The following GRM1 variants were observed in gnomAD, a reference collection of about 807,000 sequenced individuals.
The protein encoded by GRM1 is glutamate metabotropic receptor 1, also known as metabotropic glutamate receptor 1.
A neutral mutation model predicts 90.9 loss-of-function variants in GRM1; 33 were observed. The observed-to-expected ratio is 0.36, with a 90% CI of 0.28 to 0.49. The LOEUF (loss-of-function observed/expected upper bound fraction) is 0.49. Among genes scored for constraint, GRM1 ranks in the 20% least tolerant of loss-of-function variants. GRM1 has a pLI of 0.99. For missense variants in GRM1, 1,190 were observed against 1,534.3 expected, an observed-to-expected ratio of 0.78 and a Z score of 3.75; for synonymous variants, 700 against 613.2, an observed-to-expected ratio of 1.14 and a Z score of -2.09.
chr6:146,266,241 T>C (rs1321197237), intron 2 of GRM1, among the ~76,000 whole-genome samples: 1 of 152,134 alleles, frequency 6.6e-6, no homozygotes, highest in African/African-American at 2.4e-5. Flanking sequence ...TATATGTTAG[T>C]AAACATAAAA....
At chr6:146,242,819 A>C (rs1780915415) in intron 2 of GRM1, among the ~76,000 whole-genome samples, 1 of 152,150 alleles carries the variant, frequency 6.6e-6, no homozygotes. Flanking sequence ...AAAGAATTTT[A>C]CAGCACACCA....
At chr6:146,408,848 T>G (rs1777453773) in intron 7 of GRM1, among the ~76,000 whole-genome samples, 1 of 152,090 alleles carries the variant, frequency 6.6e-6, no homozygotes, top group South Asian at 2.1e-4. Flanking sequence ...TAGTGTCCAG[T>G]GTAAAGTGTT....
Position 146,229,664 on chromosome 6 carries a change from G to A in GRM1, c.950+70067G>A, listed in dbSNP as rs1378512910. Reference sequence around the variant, plus strand: ...GAGTCCCATAATTCTATGAATTTATGTTTTGTCCTAAAAATCTCTTCTACA... The same window carrying A: ...GAGTCCCATAATTCTATGAATTTATATTTTGTCCTAAAAATCTCTTCTACA... On this transcript the variant is annotated intron_variant, in intron 2 of 7. Transcript: ENST00000282753. Among the ~76,000 whole-genome samples, 4 of 152,226 alleles carry A rather than the reference G, an allele frequency of 2.6e-5. No homozygotes were observed. In the East Asian group the frequency reaches 7.7e-4, roughly 29 times the overall value.
intron 1 of GRM1, among the ~76,000 whole-genome samples, chr6:146,066,751 T>G (rs1441011577): frequency 6.8e-6 from 1 of 146,250 alleles, no homozygotes; most frequent in African/African-American, 2.6e-5. Context: ...TTTTACATAA[T>G]AATAGACAGA....
chr6:146,034,474 A>G (rs1790813593), intron 1 of GRM1, among the ~76,000 whole-genome samples: 1 of 152,064 alleles, frequency 6.6e-6, no homozygotes, highest in Middle Eastern at 3.4e-3. Flanking sequence ...ATGCTTGAAC[A>G]GTTATTAATT....
chr6:146,189,436 G>A (rs1778857184), intron 2 of GRM1, among the ~76,000 whole-genome samples: 2 of 152,148 alleles, frequency 1.3e-5, no homozygotes, highest in African/African-American at 2.4e-5. Context: ...CTAATGCAAT[G>A]AGTGAGTTGA....
intron 3 of GRM1, among the ~76,000 whole-genome samples, chr6:146,351,737 A>G (rs558260025): frequency 6.6e-6 from 1 of 152,306 alleles, no homozygotes; most frequent in African/African-American, 2.4e-5. Context: ...CATACTGACC[A>G]GTTCTAACTC....
chr6:146,140,090 ATTCTTTCTTTCTTTCT>A (rs766023029), intron 1 of GRM1, among the ~76,000 whole-genome samples: 63 of 57,874 alleles, frequency 1.1e-3, no homozygotes, highest in South Asian at 3.2e-3. Flanking sequence ...TTCTTTCTTT[ATTCTTTCTTTCTTTCT>A]TTCTTTCTTT....
intron 2 of GRM1, among the ~76,000 whole-genome samples, chr6:146,186,820 A>C (rs756206536): frequency 6.6e-6 from 1 of 152,216 alleles, no homozygotes; most frequent in Non-Finnish European, 1.5e-5. Context: ...TGCTGTTCGC[A>C]CTATGTGTCC....
intron 2 of GRM1, among the ~76,000 whole-genome samples, chr6:146,222,926 A>G (rs1000506268): frequency 4.6e-5 from 7 of 151,978 alleles, no homozygotes; most frequent in Non-Finnish European, 1.0e-4. Context: ...AAGGCAGGTA[A>G]GAGAAGTTTA....
intron 2 of GRM1, among the ~76,000 whole-genome samples, chr6:146,302,687 C>T (rs1178129427): frequency 1.3e-5 from 2 of 151,972 alleles, no homozygotes; most frequent in Non-Finnish European, 2.9e-5. Flanking sequence ...TTTTCTTTAG[C>T]CTCATAGAGT....
chr6:146,292,512 A>G (rs1335847120), intron 2 of GRM1, among the ~76,000 whole-genome samples: 1 of 152,008 alleles, frequency 6.6e-6, no homozygotes, highest in African/African-American at 2.4e-5. Context: ...CAACAAGCAC[A>G]GGAAAGTAGT....
intron 1 of GRM1, among the ~76,000 whole-genome samples, chr6:146,144,401 A>G (rs1367555171): frequency 6.6e-6 from 1 of 152,174 alleles, no homozygotes; most frequent in Non-Finnish European, 1.5e-5. Context: ...TTGTGGCTTT[A>G]TAGAAAGAAG....
At chr6:146,224,099 G>A (rs1780160081) in intron 2 of GRM1, among the ~76,000 whole-genome samples, 1 of 151,910 alleles carries the variant, frequency 6.6e-6, no homozygotes, top group South Asian at 2.1e-4. Flanking sequence ...TGGTGTCATC[G>A]GCCAAGAAAA....
intron 2 of GRM1, among the ~76,000 whole-genome samples, chr6:146,184,926 A>G (rs1411565745): frequency 2.0e-5 from 3 of 152,220 alleles, no homozygotes; most frequent in Non-Finnish European, 4.4e-5. Context: ...ACTTTATTTT[A>G]TGGAAAGGAA....
chr6:146,131,942 G>A (rs1776414749), intron 1 of GRM1, among the ~76,000 whole-genome samples: 1 of 152,190 alleles, frequency 6.6e-6, no homozygotes. Flanking sequence ...AGACAGAGCT[G>A]AAACCTGGAT....
intron 3 of GRM1, among the ~76,000 whole-genome samples, chr6:146,324,911 T>A (rs1438123830): frequency 6.6e-6 from 1 of 152,218 alleles, no homozygotes; most frequent in African/African-American, 2.4e-5. Context: ...TTAATTAAAA[T>A]TTTAACTGTC....
intron 5 of GRM1, among the ~76,000 whole-genome samples, chr6:146,376,365 G>A (rs754956443): frequency 3.9e-5 from 6 of 151,964 alleles, no homozygotes; most frequent in Non-Finnish European, 8.8e-5. Flanking sequence ...TATTACCAGC[G>A]AATTTTGTAC....
At chr6:146,041,241 T>C (rs1049862788) in intron 1 of GRM1, among the ~76,000 whole-genome samples, 1 of 152,040 alleles carries the variant, frequency 6.6e-6, no homozygotes, top group African/African-American at 2.4e-5. Context: ...TGCCATCTCA[T>C]TGGAGTCAGC....
Sources: allele counts gnomAD v4.1 joint callset (sites outside exome capture counted in the v4.1 genomes callset), GRCh38; gene constraint gnomAD v4.1.1; transcripts MANE v1.5; gene names NCBI Gene and HGNC (gene_info 2026-07-23, HGNC 2026-07-21).